The following MYRIP variants were observed in gnomAD, a reference collection of about 807,000 sequenced individuals.
The protein encoded by MYRIP is rab effector MyRIP.
Under a neutral mutation model 98.0 loss-of-function variants are expected in MYRIP, and 49 were observed. The ratio of observed to expected loss-of-function variants is 0.50; its 90% CI spans 0.40 to 0.63. The LOEUF is 0.63. MYRIP is among the 30% of genes least tolerant of loss of function. MYRIP has a pLI of 0.00. For synonymous variants in MYRIP, 404 were observed against 409.5 expected (o/e 0.99, Z 0.16); for missense variants, 1,004 against 1,058.2 (o/e 0.95, Z 0.71).
intron 2 of MYRIP, among the ~76,000 whole-genome samples, chr3:39,974,373 G>C (rs1434095072): frequency 6.6e-6 from 1 of 151,998 alleles, no homozygotes; most frequent in Non-Finnish European, 1.5e-5. Flanking sequence ...TCTCTGAATA[G>C]ACCAATAACA....
chr3:40,127,683 T>C (rs187553027), intron 3 of MYRIP, among the ~76,000 whole-genome samples: 12 of 152,350 alleles, frequency 7.9e-5, no homozygotes, highest in African/African-American at 2.2e-4. Flanking sequence ...CCACAGGCTG[T>C]GCTACCCAGA....
chr3:40,188,721 G>A (rs1951108789), intron 9 of MYRIP, among the ~76,000 whole-genome samples: 1 of 152,104 alleles, frequency 6.6e-6, no homozygotes, highest in Non-Finnish European at 1.5e-5. Flanking sequence ...AGGTTGCAGT[G>A]AGTCGAGATC....
At chr3:39,890,750 G>A (rs182178224) in intron 1 of MYRIP, among the ~76,000 whole-genome samples, 178 of 151,928 alleles carry the variant, frequency 1.2e-3, no homozygotes, top group African/African-American at 4.0e-3. Flanking sequence ...TAGTGAAAAG[G>A]AAGACTGCTT....
chr3:40,138,664 T>C (rs1276444323), intron 3 of MYRIP, among the ~76,000 whole-genome samples: 1 of 152,188 alleles, frequency 6.6e-6, no homozygotes, highest in Non-Finnish European at 1.5e-5. Context: ...TTTCTGACAT[T>C]AAGGTTTTTT....
intron 1 of MYRIP, among the ~76,000 whole-genome samples, chr3:39,813,701 CT>C (rs1940777709): frequency 1.3e-5 from 2 of 152,294 alleles, no homozygotes; most frequent in South Asian, 4.1e-4. Flanking sequence ...TACTCTAGCA[CT>C]TTACATGTAG....
chr3:39,978,055 T>C (rs951901112), intron 2 of MYRIP, among the ~76,000 whole-genome samples: 3 of 152,182 alleles, frequency 2.0e-5, no homozygotes. Context: ...GGACACCTGA[T>C]ATACGAATTT....
At chr3:40,157,482 T>G (rs1403672077) in intron 4 of MYRIP, among the ~76,000 whole-genome samples, 1 of 151,112 alleles carries the variant, frequency 6.6e-6, no homozygotes, top group Non-Finnish European at 1.5e-5. Context: ...TCTGCCCGGC[T>G]TTGGTATCAG....
chr3:40,089,088 G>A (rs1948689333), intron 3 of MYRIP, among the ~76,000 whole-genome samples: 1 of 152,110 alleles, frequency 6.6e-6, no homozygotes, highest in Non-Finnish European at 1.5e-5. Flanking sequence ...GAAAGTAGCA[G>A]CTTACAGGGC....
chr3:40,045,798 C>A lies in MYRIP; in HGVS notation c.332+1527C>A, dbSNP rs116251730. Reference sequence around the variant, plus strand: ...GGGCTTGGGACAGGTCAGAGGGTAACTGAGTTAAGGATATTGGACAGTGAA... The same window carrying A: ...GGGCTTGGGACAGGTCAGAGGGTAAATGAGTTAAGGATATTGGACAGTGAA... On this transcript the variant is annotated intron_variant, in intron 3 of 16. Transcript: ENST00000302541. Among the ~76,000 whole-genome samples the A allele has an allele frequency of 9.3e-4, 141 of 151,952 alleles. 2 individuals carry two copies. Among genetic ancestry groups the A allele is most frequent in the African/African-American group, 3.3e-3 (138 of 41,434 alleles).
At chr3:39,879,481 C>T (rs1304680129) in intron 1 of MYRIP, among the ~76,000 whole-genome samples, 1 of 151,864 alleles carries the variant, frequency 6.6e-6, no homozygotes, top group South Asian at 2.1e-4. Flanking sequence ...TTTCTTTCTC[C>T]TAAAGTGTAT....
At chr3:39,897,416 A>G (rs573647451) in intron 1 of MYRIP, among the ~76,000 whole-genome samples, 2 of 152,370 alleles carry the variant, frequency 1.3e-5, no homozygotes, top group East Asian at 3.9e-4. Flanking sequence ...AAGTGGTGAT[A>G]TAATTAAATA....
At chr3:39,924,245 C>G (rs1175115885) in intron 2 of MYRIP, among the ~76,000 whole-genome samples, 1 of 151,854 alleles carries the variant, frequency 6.6e-6, no homozygotes, top group Non-Finnish European at 1.5e-5. Flanking sequence ...AAATTCACCT[C>G]AAATATAACG....
intron 1 of MYRIP, among the ~76,000 whole-genome samples, chr3:39,895,354 T>G (rs1260810306): frequency 2.0e-5 from 3 of 151,914 alleles, no homozygotes; most frequent in Non-Finnish European, 4.4e-5. Context: ...GCTCGGCTAA[T>G]TTTTGTATTT....
chr3:40,073,482 T>C (rs943801711), intron 3 of MYRIP, among the ~76,000 whole-genome samples: 2 of 152,258 alleles, frequency 1.3e-5, no homozygotes, highest in African/African-American at 4.8e-5. Flanking sequence ...CCTGCCGAAG[T>C]TTGTAGGATT....
chr3:40,151,863 G>C (rs1950130076), intron 4 of MYRIP, among the ~76,000 whole-genome samples: 1 of 151,982 alleles, frequency 6.6e-6, no homozygotes, highest in Admixed American at 6.6e-5. Flanking sequence ...GGCTAACACA[G>C]GTAAATGCTT....
At chr3:40,109,732 C>T (rs1949120727) in intron 3 of MYRIP, among the ~76,000 whole-genome samples, 1 of 152,232 alleles carries the variant, frequency 6.6e-6, no homozygotes, top group Admixed American at 6.5e-5. Context: ...TAGCCTCTGT[C>T]CTCCATAGTC....
At chr3:40,167,029 C>T in intron 6 of MYRIP, 86 bp downstream of exon 6, 1 of 1,369,886 alleles carries the variant, frequency 7.3e-7, no homozygotes, top group South Asian at 1.2e-5. Context: ...GTCAGGAAAT[C>T]AATGTCCCAG....
chr3:40,115,627 G>A (rs1559406904), intron 3 of MYRIP, among the ~76,000 whole-genome samples: 1 of 152,094 alleles, frequency 6.6e-6, no homozygotes, highest in South Asian at 2.1e-4. Context: ...CATCACTAAG[G>A]ATCCAGAGTT....
intron 3 of MYRIP, among the ~76,000 whole-genome samples, chr3:40,063,989 G>A (rs1948076580): frequency 6.6e-6 from 1 of 152,074 alleles, no homozygotes; most frequent in Admixed American, 6.6e-5. Context: ...TACAGCAGGT[G>A]AGAACAGGAG....
Sources: gnomAD v4.1 joint callset for allele counts (sites outside exome capture counted in the v4.1 genomes callset) on GRCh38, gnomAD v4.1.1 for gene constraint, MANE v1.5 for transcripts, NCBI Gene and HGNC (gene_info 2026-07-23, HGNC 2026-07-21) for gene names.